EHBP1L1: variants seen among roughly 807,000 people sequenced by gnomAD.
The protein encoded by EHBP1L1 is EH domain binding protein 1 like 1, also known as EH domain-binding protein 1-like protein 1.
Under a neutral mutation model 151.1 loss-of-function variants are expected in EHBP1L1, and 122 were observed. That is an observed-to-expected ratio of 0.81 (90% CI 0.70 to 0.94). The LOEUF is 0.94. Among genes scored for constraint, EHBP1L1 ranks in the 40% least tolerant of loss-of-function variants. The pLI, the probability that EHBP1L1 is intolerant of heterozygous loss-of-function variation, is 0.00. For synonymous variants in EHBP1L1, 878 were observed against 810.1 expected (o/e 1.08, Z -1.42); for missense variants, 1,941 against 1,959.8 (o/e 0.99, Z 0.18).
intron 12 of EHBP1L1, among the ~76,000 whole-genome samples, chr11:65,586,627 C>T (rs868089030): frequency 3.9e-5 from 6 of 152,158 alleles, no homozygotes; most frequent in Admixed American, 2.0e-4. Context: ...AGCCATCTCC[C>T]GGAAGGTCCA....
At chr11:65,586,044 C>G (rs1857953259) in intron 12 of EHBP1L1, among the ~76,000 whole-genome samples, 1 of 152,192 alleles carries the variant, frequency 6.6e-6, no homozygotes, top group Non-Finnish European at 1.5e-5. Context: ...CCACCCTGCC[C>G]CATGAGCTGG....
Position 65,583,771 on chromosome 11 carries a change from G to T in EHBP1L1, c.3093+6G>T. ...GGAGGCTGCCGGGCAGCCAGGTAGG[G>T]ATGGGGGCCGCCGAGGGCCCAGTCT... is the stretch of plus-strand genomic sequence containing the variant. On this transcript the variant is annotated splice_donor_region_variant and intron_variant, in intron 9 of 18. Transcript: ENST00000309295. 6.8e-7 allele frequency: 1 copy of T among 1,471,402 alleles called. No homozygotes were observed. The allele number at this position is 1,471,402 out of a possible 1,614,324, so 91.1% of individuals were successfully genotyped here.
In EHBP1L1 at chr11:65,583,068, AAG is replaced by A. The variant is rs1857721588; in HGVS notation, c.2399_2400del (p.Glu800GlyfsTer17). ...GCTGATACAACAGGGATCCAGGTGA[AAG>A]AGGTTGGGGGTTCAGAGGTTCCAGA... On this transcript the variant is annotated frameshift_variant, in exon 9 of 19. Coordinates refer to ENST00000309295, the MANE Select transcript of EHBP1L1 (RefSeq NM_001099409.3). LOFTEE classifies it high-confidence loss of function. 1.2e-6 allele frequency: 2 copies of A among 1,612,858 alleles called. No individual in the cohort carries two copies. Among genetic ancestry groups the A allele is most frequent in the Non-Finnish European group, 8.5e-7 (1 of 1,179,614 alleles).
rs771399290 is a variant in EHBP1L1 at position 65,583,667 on chromosome 11, C to T, written c.2995C>T (p.Leu999=). ...TGAGGGAAGCCTCACAGAGGCCAGC[C>T]TGCCTGAAGCACAGGTGGCCAGTGG... ...EAEGSLTEAS[L]PEAQVASGAG... is the part of the protein sequence containing the mutation. The change falls in exon 9 of 19, where the codon CTG becomes TTG. Residue 999 remains leucine, a synonymous_variant. Coordinates refer to ENST00000309295, the MANE Select transcript of EHBP1L1 (RefSeq NM_001099409.3). The T allele has an allele frequency of 2.5e-6, 4 of 1,587,678 alleles. No individual in the cohort carries two copies. In the South Asian group the frequency reaches 4.6e-5, roughly 18 times the overall value.
Position 65,584,980 on chromosome 11 carries a change from C to G in EHBP1L1, c.3322C>G (p.Leu1108Val), listed in dbSNP as rs1857862633. Residue 1108 changes from leucine to valine, a missense_variant, in exon 12 of 19, where the codon CTG becomes GTG. By Grantham distance (32) the Leu-to-Val change is conservative. Coordinates refer to ENST00000309295, the MANE Select transcript of EHBP1L1 (RefSeq NM_001099409.3). ...CTAGGCCTTCGATGGCTTCGCGGCT[C>G]TGGGCGTGTCGCGGCTGCTGGAGCC... ...NKQAFDGFAA[L>V]GVSRLLEPAD... The G allele has an allele frequency of 6.5e-7, 1 of 1,533,898 alleles. No homozygotes were observed. The highest frequency in any genetic ancestry group is 1.4e-5 in the African/African-American group (1 of 72,884).
intron 12 of EHBP1L1, among the ~76,000 whole-genome samples, chr11:65,588,391 G>C (rs1858085979): frequency 6.6e-6 from 1 of 152,162 alleles, no homozygotes; most frequent in Non-Finnish European, 1.5e-5. Flanking sequence ...CATGAGGCTG[G>C]GGGGCTGAGG....
Position 65,589,778 on chromosome 11 carries a change from G to T in EHBP1L1, c.3961G>T (p.Ala1321Ser). Residue 1321 changes from alanine (A) to serine (S), a missense_variant, in exon 13 of 19, where the codon GCC becomes TCC. Coordinates refer to ENST00000309295, the MANE Select transcript of EHBP1L1 (RefSeq NM_001099409.3). The stretch of plus-strand genomic sequence containing the variant: ...AGGCCAGGCCCCTGACCCCAGCCCT[G>T]CCCCAGGCCCACCCACAGCTGCAGA... ...AEGQAPDPSP[A>S]PGPPTAADSQ... 6.4e-7 allele frequency: 1 copy of T among 1,557,232 alleles called. No homozygotes were observed. The highest frequency in any genetic ancestry group is 1.4e-5 in the African/African-American group (1 of 73,466).
chr11:65,580,623 T>C, intron 6 of EHBP1L1, 144 bp downstream of exon 6: 7 of 1,098,880 alleles, frequency 6.4e-6, no homozygotes, highest in Non-Finnish European at 8.9e-6. Context: ...CAGCCTCAAT[T>C]GTCCCAACCT....
rs1165645500 is a variant in EHBP1L1, at chr11:65,581,916, C to G, written c.1244C>G (p.Ala415Gly). 1 of 1,613,730 alleles carries G rather than the reference C, an allele frequency of 6.2e-7. No individual in the cohort carries two copies. The highest frequency in any genetic ancestry group is 2.2e-5 in the East Asian group (1 of 44,882). Reference sequence around the variant, plus strand: ...AGGTCAGGAGTCAGAGCTGGGGAGGCTGAAGAGAGTTCAGCAGTTTGTCAA... The same window carrying G: ...AGGTCAGGAGTCAGAGCTGGGGAGGGTGAAGAGAGTTCAGCAGTTTGTCAA... ...TKRSGVRAGE[A>G]EESSAVCQVD... Residue 415 changes from alanine (A) to glycine (G), a missense_variant, in exon 9 of 19, where the codon GCT (alanine) becomes GGT (glycine). By Grantham distance (60) the Ala-to-Gly change is moderately conservative. Coordinates refer to ENST00000309295, the MANE Select transcript of EHBP1L1 (RefSeq NM_001099409.3).
At chr11:65,581,419 G>C (rs751468620) in intron 8 of EHBP1L1, 46 bp downstream of exon 8, 66 of 1,480,372 alleles carry the variant, frequency 4.5e-5, no homozygotes, top group Non-Finnish European at 5.6e-5. Flanking sequence ...CCTGATAGGA[G>C]CTGCAGTCCT....
chr11:65,589,621 G>A lies in EHBP1L1; in HGVS notation c.3934-130G>A, dbSNP rs979834062. 7.2e-6 allele frequency: 10 copies of A among 1,387,378 alleles called. No homozygotes were observed. In the African/African-American group the frequency reaches 1.0e-4, roughly 14 times the overall value. The allele number at this position is 1,387,378 out of a possible 1,614,324, so 85.9% of individuals were successfully genotyped here. A position where few individuals can be genotyped will look rare whatever the true frequency, so the allele number is the denominator to read the frequency against. Reference sequence around the variant, plus strand: ...GGGGTTCTGTGCATGCAGGACTAGAGGAGGGGCAGGGGCGGGCAGGAGCTG... The same window carrying A: ...GGGGTTCTGTGCATGCAGGACTAGAAGAGGGGCAGGGGCGGGCAGGAGCTG... On this transcript the variant is annotated intron_variant, in intron 12 of 18. Transcript: ENST00000309295.
intron 3 of EHBP1L1, among the ~76,000 whole-genome samples, 155 bp from the exon 4 acceptor site, chr11:65,579,781 C>T (rs902583341): frequency 8.0e-5 from 12 of 150,192 alleles, no homozygotes; most frequent in East Asian, 2.0e-4. Context: ...GAGCCGAGAT[C>T]GCACCCCTGC....
chr11:65,580,464 C>T lies in EHBP1L1; in HGVS notation c.619C>T (p.Arg207Ter), dbSNP rs775427799. Reference protein sequence around the residue: ...HGPGAPEARARVPQPDPSREL... With the variant: ...HGPGAPEARA ...CCCAGGAGCCCCGGAGGCCCGGGCT[C>T]GAGTCCCCCAGCCAGGTGGGCTCAC... Residue 207 changes from arginine (R) to a stop codon, truncating the protein, a stop_gained, in exon 6 of 19, where the codon CGA (arginine) becomes TGA (stop). Transcript: ENST00000309295. LOFTEE classifies it high-confidence loss of function. 13 of 1,612,330 alleles carry T rather than the reference C, an allele frequency of 8.1e-6. No homozygotes were observed. The highest frequency in any genetic ancestry group is 1.7e-4 in the Middle Eastern group (1 of 6,002).
In EHBP1L1 at chr11:65,579,112, C is replaced by G. The variant is rs547750229; in HGVS notation, c.139C>G (p.Arg47Gly). The change falls in exon 2 of 19, where the codon CGG (arginine) becomes GGG (glycine). Residue 47 changes from arginine to glycine, a missense_variant. Transcript: ENST00000309295. ...TAAGCTGGTGGTGGTATGGACCCGT[C>G]GGAACCGACGCATCTGCTCCAAGGT... Reference protein sequence around the residue: ...PDKLVVVWTRRNRRICSKAHS... With the variant: ...PDKLVVVWTRGNRRICSKAHS... 3 of 1,594,764 alleles carry G rather than the reference C, an allele frequency of 1.9e-6. No individual in the cohort carries two copies. Among genetic ancestry groups the G allele is most frequent in the East Asian group, 2.3e-5 (1 of 44,032 alleles).
rs1461401146 is a variant in EHBP1L1, at chr11:65,583,050, C to G, written c.2378C>G (p.Thr793Arg). Residue 793 changes from threonine (T) to arginine (R), a missense_variant, in exon 9 of 19, where the codon ACA (threonine) becomes AGA (arginine). Thr to Arg is a moderately conservative substitution (Grantham distance 71, BLOSUM62 -1). Coordinates refer to ENST00000309295, the MANE Select transcript of EHBP1L1 (RefSeq NM_001099409.3). ...DSGVPGLEAD[T>R]TGIQVKEVGG... is the part of the protein sequence containing the mutation. ...GGGGTCCCAGGGTTAGAAGCTGATACAACAGGGATCCAGGTGAAAGAGGTT... is the reference window on the plus strand; with the variant it reads ...GGGGTCCCAGGGTTAGAAGCTGATAGAACAGGGATCCAGGTGAAAGAGGTT... 2 of 1,612,686 alleles carry G rather than the reference C, an allele frequency of 1.2e-6. No individual in the cohort carries two copies. The highest frequency in any genetic ancestry group is 2.2e-5 in the East Asian group (1 of 44,870).
chr11:65,579,211 G>A (rs1332193018), intron 2 of EHBP1L1, 76 bp downstream of exon 2: 2 of 1,533,244 alleles, frequency 1.3e-6, no homozygotes, highest in African/African-American at 2.8e-5. Flanking sequence ...TGATGGGGGA[G>A]TGGAGTGAGG....
Position 65,591,673 on chromosome 11 carries a change from C to T in EHBP1L1, c.4284-127C>T, listed in dbSNP as rs1265073862. On this transcript the variant is annotated intron_variant, in intron 16 of 18. Transcript: ENST00000309295. ...CTAGAGGATAGCTCTGCGGTCAGCC[C>T]TGCCCTCGGGAACTGCTGGGGAGGT... 3 of 769,916 alleles carry T rather than the reference C, an allele frequency of 3.9e-6. No homozygotes were observed. In the South Asian group the frequency reaches 4.4e-5, roughly 11 times the overall value. The allele number at this position is 769,916 out of a possible 1,614,324, so 47.7% of individuals were successfully genotyped here.
Position 65,583,168 on chromosome 11 carries a change from A to G in EHBP1L1, c.2496A>G (p.Pro832=). ...TAGCATCTAGGAGTTCAGGGGTCCC[A>G]GGGCTAGAATCTGAGGTAGCTGGGG... The part of the protein sequence containing the change: ...QEIASRSSGV[P]GLESEVAGAQ... The change falls in exon 9 of 19, where the codon CCA becomes CCG. Residue 832 remains proline (P), a synonymous_variant. Coordinates refer to ENST00000309295, the MANE Select transcript of EHBP1L1 (RefSeq NM_001099409.3). 3.1e-6 allele frequency: 5 copies of G among 1,613,170 alleles called. No individual in the cohort carries two copies. The highest frequency in any genetic ancestry group is 4.2e-6 in the Non-Finnish European group (5 of 1,179,738).
rs561117198 is a variant in EHBP1L1 at position 65,580,850 on chromosome 11, T to C, written c.635-208T>C. ...CTTCCTCATTCCTCCCTGCTGCTTG[T>C]CCAGGCTTTTTCTCTGTCCACTGTT... On this transcript the variant is annotated intron_variant, in intron 6 of 18. Coordinates refer to ENST00000309295, the MANE Select transcript of EHBP1L1 (RefSeq NM_001099409.3). 2.6e-5 allele frequency: 33 copies of C among 1,293,660 alleles called. No individual in the cohort carries two copies. The African/African-American group carries it at 4.4e-4, about 17-fold the overall frequency. 80.1% of individuals were successfully genotyped at this position (1,293,660 alleles called of 1,614,324 possible).
Sources: allele counts gnomAD v4.1 joint callset (sites outside exome capture counted in the v4.1 genomes callset), GRCh38; gene constraint gnomAD v4.1.1; transcripts MANE v1.5; gene names NCBI Gene and HGNC (gene_info 2026-07-23, HGNC 2026-07-21).